The following VWF variants were observed in gnomAD, a reference collection of about 807,000 sequenced individuals.
VWF encodes the protein von Willebrand factor, also known as Factor VIII related antigen.
In VWF, 176 loss-of-function variants were observed where a neutral mutation model predicts 308.6. The ratio of observed to expected loss-of-function variants is 0.57; its 90% confidence interval spans 0.50 to 0.65. The LOEUF (loss-of-function observed/expected upper bound fraction) is 0.65, where lower values mean the gene tolerates loss of function less well. Among genes scored for constraint, VWF ranks in the 30% least tolerant of loss-of-function variants. The pLI is 0.00. For missense variants in VWF, 3,146 were observed against 3,648.2 expected (o/e 0.86, Z 3.55); for synonymous variants, 1,385 against 1,443.4 (o/e 0.96, Z 0.92).
rs542363120 is a variant in VWF, at chr12:6,057,415, T to G, written c.1730-343A>C. ...CTGCGGCCTTGCCTTCCTGGGTTCA[T>G]GCAACCGTCCCACGTAGCTCCCAAG... On this transcript the variant is annotated intron_variant, in intron 14 of 51. Coordinates refer to ENST00000261405, the MANE Select transcript of VWF (RefSeq NM_000552.5). 5.1e-3 allele frequency among the ~76,000 whole-genome samples: 764 copies of G among 148,494 alleles called. 6 individuals carry two copies. The highest frequency in any genetic ancestry group is 0.018 in the African/African-American group (719 of 40,298).
rs184129887 is a variant in VWF, at chr12:5,963,979, G to A, written c.7887+3507C>T. 9.9e-3 allele frequency among the ~76,000 whole-genome samples: 1,503 copies of A among 152,186 alleles called. 24 individuals are homozygous for A. The highest frequency in any genetic ancestry group is 0.034 in the African/African-American group (1,394 of 41,510). On this transcript the variant is annotated intron_variant, in intron 47 of 51. Transcript: ENST00000261405. ...TCCCAGCACTTTGGGAGGCCAAGGT[G>A]GGCAGATCACGAGGTCAGGAGATTG...
At chr12:6,040,622 A>G (rs2136436292) in intron 18 of VWF, among the ~76,000 whole-genome samples, 1 of 152,320 alleles carries the variant, frequency 6.6e-6, no homozygotes, top group South Asian at 2.1e-4. Context: ...GCAGGATTCA[A>G]ACCTGGAAGT....
chr12:6,013,202 C>A (rs940013811), intron 32 of VWF, among the ~76,000 whole-genome samples: 1 of 152,168 alleles, frequency 6.6e-6, no homozygotes, highest in Admixed American at 6.5e-5. Flanking sequence ...GATCCCTCTA[C>A]ACAAATAAGC....
intron 6 of VWF, among the ~76,000 whole-genome samples, chr12:6,087,799 G>A (rs1944989908): frequency 6.6e-6 from 1 of 152,088 alleles, no homozygotes; most frequent in Non-Finnish European, 1.5e-5. Flanking sequence ...GTTCTTATGA[G>A]CCTAAGATTC....
chr12:6,097,065 T>A (rs1201610830), intron 5 of VWF, among the ~76,000 whole-genome samples: 2 of 152,144 alleles, frequency 1.3e-5, no homozygotes, highest in Non-Finnish European at 2.9e-5. Context: ...AAGATGTGCT[T>A]GAGTTAGGGA....
intron 3 of VWF, among the ~76,000 whole-genome samples, chr12:6,115,856 G>A (rs980153302): frequency 6.6e-6 from 1 of 152,160 alleles, no homozygotes; most frequent in Non-Finnish European, 1.5e-5. Flanking sequence ...TGTCCTCAGG[G>A]GGAAAACCAC....
chr12:6,050,977 A>G (rs1259124748), intron 16 of VWF, among the ~76,000 whole-genome samples: 1 of 152,010 alleles, frequency 6.6e-6, no homozygotes, highest in Non-Finnish European at 1.5e-5. Context: ...AAAGAAGTGA[A>G]CATGGATTGA....
intron 3 of VWF, among the ~76,000 whole-genome samples, chr12:6,116,766 C>A (rs770770521): frequency 6.6e-6 from 1 of 152,194 alleles, no homozygotes; most frequent in African/African-American, 2.4e-5. Context: ...AGGGGCCTCG[C>A]CTTGGCACCA....
rs1242670462 is a variant in VWF at position 6,092,626 on chromosome 12, T to TGAGAGAGAGAGA, written c.657+2833_657+2834insTCTCTCTCTCTC. Among the ~76,000 whole-genome samples, 39 of 83,530 alleles carry TGAGAGAGAGAGA rather than the reference T, an allele frequency of 4.7e-4. 1 individual carries two copies. The highest frequency in any genetic ancestry group is 1.4e-3 in the African/African-American group (21 of 15,548). 54.8% of individuals were successfully genotyped at this position (83,530 alleles called of 152,430 possible). On this transcript the variant is annotated intron_variant, in intron 6 of 51. Coordinates refer to ENST00000261405, the MANE Select transcript of VWF (RefSeq NM_000552.5). ...GTTAGTGAGTGAGTGAGAGTGTGTGTGTGTGTGTGTGTGTGTGTGTGTGTG... is the reference window on the plus strand; with the variant it reads ...GTTAGTGAGTGAGTGAGAGTGTGTGTGAGAGAGAGAGAGTGTGTGTGTGTGTGTGTGTGTGTG...
At chr12:5,980,167 G>A (rs1943587237) in intron 42 of VWF, among the ~76,000 whole-genome samples, 1 of 41,918 alleles carries the variant, frequency 2.4e-5, no homozygotes, top group Non-Finnish European at 5.9e-5. Flanking sequence ...GTGAGGGAGG[G>A]AGGGAGGGAG....
Position 6,052,537 on chromosome 12 carries a change from A to C in VWF, c.2186+6T>G. Reference sequence around the variant, plus strand: ...AGAGGTCCCTGACACTGCTGCCTGCACTTACCACATGGTGTGATGGTCTGA... The same window carrying C: ...AGAGGTCCCTGACACTGCTGCCTGCCCTTACCACATGGTGTGATGGTCTGA... On this transcript the variant is annotated splice_donor_region_variant and intron_variant, in intron 16 of 51. Transcript: ENST00000261405. The C allele has an allele frequency of 6.2e-7, 1 of 1,614,208 alleles. No individual in the cohort carries two copies. Among genetic ancestry groups the C allele is most frequent in the Non-Finnish European group, 8.5e-7 (1 of 1,180,030 alleles).
intron 31 of VWF, among the ~76,000 whole-genome samples, chr12:6,014,776 A>AG (rs1213133263): frequency 6.6e-6 from 1 of 152,222 alleles, no homozygotes; most frequent in Non-Finnish European, 1.5e-5. Flanking sequence ...TAGACCACCA[A>AG]GGGGGTATAT....
intron 11 of VWF, 148 bp downstream of exon 11, chr12:6,064,989 G>A (rs1314343821): frequency 1.7e-6 from 2 of 1,208,754 alleles, no homozygotes; most frequent in Middle Eastern, 2.7e-4. Context: ...GTTTCTGGAT[G>A]AATGAGGAGC....
intron 38 of VWF, among the ~76,000 whole-genome samples, 166 bp from the exon 39 acceptor site, chr12:5,985,831 T>C (rs181100175): frequency 3.2e-4 from 48 of 152,244 alleles, no homozygotes; most frequent in African/African-American, 1.0e-3. Flanking sequence ...GGTTGTGAGG[T>C]TCTAATGGCT....
chr12:5,985,554 G>T lies in VWF; in HGVS notation c.6901+9C>A. ...TCCATGAAGGCACCAGGGAGGGGAGGACTCTCACCTTTGGCCGTGGGGCAG... is the reference window on the plus strand; with the variant it reads ...TCCATGAAGGCACCAGGGAGGGGAGTACTCTCACCTTTGGCCGTGGGGCAG... On this transcript the variant is annotated intron_variant, in intron 39 of 51. Coordinates refer to ENST00000261405, the MANE Select transcript of VWF (RefSeq NM_000552.5). The T allele has an allele frequency of 6.2e-7, 1 of 1,612,976 alleles. No homozygotes were observed. Among genetic ancestry groups the T allele is most frequent in the East Asian group, 2.2e-5 (1 of 44,876 alleles).
chr12:6,095,281 T>C (rs1945093295), intron 6 of VWF, 179 bp downstream of exon 6: 3 of 959,900 alleles, frequency 3.1e-6, no homozygotes, highest in Non-Finnish European at 3.3e-6. Context: ...GACTCATTTT[T>C]AGAGCTTCAG....
At position 6,016,097 on chromosome 12, in the gene VWF, C is replaced by T. The variant is rs1162704340; in HGVS notation, c.5447G>A (p.Arg1816Lys). 1.2e-6 allele frequency: 2 copies of T among 1,614,150 alleles called. No homozygotes were observed. Among genetic ancestry groups the T allele is most frequent in the South Asian group, 2.2e-5 (2 of 91,084 alleles). ...GTACACCAGATTCTTACTGTTGGAC[C>T]TGGCGGCATCAGCTGCTGCATCCAC... is the stretch of plus-strand genomic sequence containing the variant. ...DSVDAAADAA[R>K]SNRVTVFPIG... is the part of the protein sequence containing the mutation. The change falls in exon 31 of 52, where the codon AGG (arginine) becomes AAG (lysine). Residue 1816 changes from arginine (R) to lysine (K), a missense_variant. Arg to Lys is a conservative substitution (Grantham distance 26). Coordinates refer to ENST00000261405, the MANE Select transcript of VWF (RefSeq NM_000552.5).
chr12:6,018,317 GCCAGCCCTCGC>G (rs1944085155), intron 28 of VWF, 37 bp downstream of exon 28: 1 of 1,578,944 alleles, frequency 6.3e-7, no homozygotes, highest in Admixed American at 1.8e-5. Context: ...CCAAGGCCAT[GCCAGCCCTCGC>G]CCAGCCCTCC....
intron 17 of VWF, among the ~76,000 whole-genome samples, chr12:6,045,224 T>C (rs1268057717): frequency 2.0e-5 from 3 of 152,238 alleles, no homozygotes; most frequent in Non-Finnish European, 4.4e-5. Context: ...ATACAGCACC[T>C]TTCTTTCCAA....
Sources: gnomAD v4.1 joint callset for allele counts (sites outside exome capture counted in the v4.1 genomes callset) on GRCh38, gnomAD v4.1.1 for gene constraint, MANE v1.5 for transcripts, NCBI Gene and HGNC (gene_info 2026-07-23, HGNC 2026-07-21) for gene names.